The following NEK11 variants were observed in gnomAD, a reference collection of about 807,000 sequenced individuals.
NEK11 encodes the protein serine/threonine-protein kinase Nek11.
A neutral mutation model predicts 80.7 loss-of-function variants in NEK11; 72 were observed. That is an observed-to-expected ratio of 0.89 (90% confidence interval 0.74 to 1.08). The LOEUF is 1.08. NEK11 is among the 50% of genes least tolerant of loss of function. NEK11 has a pLI of 0.00. For missense variants in NEK11, 764 were observed against 763.6 expected (o/e 1.00, Z -0.01); for synonymous variants, 251 against 260.7 (o/e 0.96, Z 0.36).
intron 3 of NEK11, among the ~76,000 whole-genome samples, chr3:131,036,209 A>G (rs2065622108): frequency 6.6e-6 from 1 of 152,234 alleles, no homozygotes; most frequent in South Asian, 2.1e-4. Context: ...ATCATGTGCA[A>G]GACTGAAACA....
intron 14 of NEK11, among the ~76,000 whole-genome samples, chr3:131,176,073 G>C (rs2092994627): frequency 6.6e-6 from 1 of 152,176 alleles, no homozygotes; most frequent in Non-Finnish European, 1.5e-5. Flanking sequence ...AAGGGACAGG[G>C]ATCTTTTAGC....
intron 5 of NEK11, among the ~76,000 whole-genome samples, chr3:131,115,962 C>CTTTCTTTA (rs200577213): frequency 7.1e-6 from 1 of 140,870 alleles, no homozygotes; most frequent in Non-Finnish European, 1.5e-5. Flanking sequence ...TTCTTTCTTT[C>CTTTCTTTA]TTTCTTTCTT....
At chr3:131,164,044 A>C (rs2091947012) in intron 11 of NEK11, among the ~76,000 whole-genome samples, 1 of 152,228 alleles carries the variant, frequency 6.6e-6, no homozygotes, top group African/African-American at 2.4e-5. Context: ...TTATCCAAAA[A>C]ATGATTTAGA....
chr3:131,103,142 A>G (rs2078654214), intron 4 of NEK11, among the ~76,000 whole-genome samples: 1 of 152,150 alleles, frequency 6.6e-6, no homozygotes, highest in African/African-American at 2.4e-5. Context: ...CTTGTCATCC[A>G]GAGTCCACAT....
intron 7 of NEK11, among the ~76,000 whole-genome samples, chr3:131,148,927 A>C (rs1174323815): frequency 6.6e-6 from 1 of 151,980 alleles, no homozygotes; most frequent in East Asian, 1.9e-4. Flanking sequence ...TACAATGCAT[A>C]ATGATCAAAT....
intron 3 of NEK11, among the ~76,000 whole-genome samples, chr3:131,047,457 C>T (rs751171507): frequency 2.6e-5 from 4 of 152,202 alleles, no homozygotes; most frequent in Non-Finnish European, 4.4e-5. Flanking sequence ...TCTTTTGTCT[C>T]ATGAGGGTGC....
At chr3:131,334,236 A>G (rs2097143317) in intron 17 of NEK11, among the ~76,000 whole-genome samples, 1 of 152,222 alleles carries the variant, frequency 6.6e-6, no homozygotes, top group African/African-American at 2.4e-5. Flanking sequence ...CTCCTCAGCA[A>G]ATGTAAAAGA....
chr3:131,083,964 A>G (rs1349248245), intron 4 of NEK11, among the ~76,000 whole-genome samples: 1 of 152,212 alleles, frequency 6.6e-6, no homozygotes, highest in East Asian at 1.9e-4. Context: ...ATCTTTGCTT[A>G]GGCCATATCC....
intron 16 of NEK11, among the ~76,000 whole-genome samples, chr3:131,272,463 C>CTTCTTTTTTTTTTTTTTTTTTTTTTTT (rs2096210843): frequency 2.3e-5 from 1 of 43,900 alleles, no homozygotes. Flanking sequence ...GTTTTAGCTT[C>CTTCTTTTTTTTTTTTTTTTTTTTTTTT]TTTTTTTTTT....
At chr3:131,045,200 C>T (rs1422941576) in intron 3 of NEK11, among the ~76,000 whole-genome samples, 2 of 152,068 alleles carry the variant, frequency 1.3e-5, no homozygotes, top group Non-Finnish European at 2.9e-5. Context: ...TCTATTTGTG[C>T]CCTTTTAGAC....
chr3:131,175,039 C>A (rs1364424912), intron 14 of NEK11: 25 of 1,273,970 alleles, frequency 2.0e-5, no homozygotes, highest in Middle Eastern at 6.0e-4. Context: ...AGGAGCCCCA[C>A]ATGCCCTTTA....
intron 17 of NEK11, among the ~76,000 whole-genome samples, chr3:131,338,736 G>A (rs868400453): frequency 6.6e-6 from 1 of 152,184 alleles, no homozygotes; most frequent in African/African-American, 2.4e-5. Context: ...AAAGGCACCA[G>A]TTCTTTAAAA....
chr3:131,347,576 T>C (rs2097382559), intron 17 of NEK11, among the ~76,000 whole-genome samples: 1 of 152,174 alleles, frequency 6.6e-6, no homozygotes. Context: ...ATGTCTCCAA[T>C]GTTATTATCA....
At chr3:131,255,480 C>A (rs1012537095) in intron 16 of NEK11, among the ~76,000 whole-genome samples, 1 of 152,194 alleles carries the variant, frequency 6.6e-6, no homozygotes, top group East Asian at 1.9e-4. Flanking sequence ...GATTCAAACT[C>A]CTAACCTGGC....
chr3:131,057,734 T>C (rs1312932503), intron 3 of NEK11, among the ~76,000 whole-genome samples: 1 of 151,486 alleles, frequency 6.6e-6, no homozygotes, highest in East Asian at 1.9e-4. Context: ...TTGATGGGGT[T>C]GTTTGTTTTT....
chr3:131,337,501 C>A (rs1274022636), intron 17 of NEK11, among the ~76,000 whole-genome samples: 2 of 151,670 alleles, frequency 1.3e-5, no homozygotes, highest in Non-Finnish European at 2.9e-5. Flanking sequence ...GCATTAGGAG[C>A]TATACCTAAT....
At chr3:131,303,446 G>A (rs879700107) in intron 17 of NEK11, among the ~76,000 whole-genome samples, 7 of 152,144 alleles carry the variant, frequency 4.6e-5, no homozygotes, top group Non-Finnish European at 8.8e-5. Context: ...ATTTAAGTGT[G>A]CTTTTGTGGT....
chr3:131,125,573 A>G (rs1190614724), intron 5 of NEK11, among the ~76,000 whole-genome samples: 1 of 152,130 alleles, frequency 6.6e-6, no homozygotes, highest in East Asian at 1.9e-4. Context: ...CATCTCTTAC[A>G]GTTGCTGATG....
chr3:131,096,342 T>C (rs558861538), intron 4 of NEK11, among the ~76,000 whole-genome samples: 1 of 152,228 alleles, frequency 6.6e-6, no homozygotes, highest in South Asian at 2.1e-4. Context: ...CATGTTGCTG[T>C]AGAGGACATG....
Sources: allele counts gnomAD v4.1 joint callset (sites outside exome capture counted in the v4.1 genomes callset), GRCh38; gene constraint gnomAD v4.1.1; transcripts MANE v1.5; gene names NCBI Gene and HGNC (gene_info 2026-07-23, HGNC 2026-07-21).